The following KLRG1 variants were observed in gnomAD, a reference collection of about 807,000 sequenced individuals.
The protein encoded by KLRG1 is killer cell lectin-like receptor subfamily G member 1.
Under a neutral mutation model 21.8 loss-of-function variants are expected in KLRG1, and 16 were observed. The ratio of observed to expected loss-of-function variants is 0.73; its 90% CI spans 0.50 to 1.11. The LOEUF (loss-of-function observed/expected upper bound fraction) is 1.11. KLRG1 is among the 50% of genes most tolerant of loss of function. The pLI is 0.00. For missense variants in KLRG1, 173 were observed against 218.3 expected, an observed-to-expected ratio of 0.79 and a Z score of 1.31; for synonymous variants, 69 against 75.9, an observed-to-expected ratio of 0.91 and a Z score of 0.47.
At chr12:9,192,135 G>A in the KLRG1 span, 34 of 1,418,402 alleles carry the variant, frequency 2.4e-5, no homozygotes, top group Middle Eastern at 1.8e-4. Flanking sequence ...AACTGTCACC[G>A]AGGGAAGGGT....
chr12:8,987,003 A>G (rs1212387436), upstream of KLRG1, among the ~76,000 whole-genome samples: 1 of 152,182 alleles, frequency 6.6e-6, no homozygotes, highest in Non-Finnish European at 1.5e-5. Context: ...AGCAGATGCC[A>G]CTATGCTTCC....
the KLRG1 span, among the ~76,000 whole-genome samples, chr12:9,122,245 C>T: frequency 6.6e-6 from 1 of 152,142 alleles, no homozygotes; most frequent in Non-Finnish European, 1.5e-5. Flanking sequence ...TACAGGATTA[C>T]TTTTCCTTTG....
Position 9,009,544 on chromosome 12 carries a change from A to C in KLRG1, c.*7A>C. On this transcript the variant is annotated 3_prime_UTR_variant, in exon 5 of 5. Coordinates refer to ENST00000356986, the MANE Select transcript of KLRG1 (RefSeq NM_005810.4). ...TAAGAAGGTCAGACTTTGATAGATGACCACTCTGTCCTGACCCTCAGATCT... is the reference window on the plus strand; with the variant it reads ...TAAGAAGGTCAGACTTTGATAGATGCCCACTCTGTCCTGACCCTCAGATCT... The C allele has an allele frequency of 6.2e-7, 1 of 1,613,670 alleles. No homozygotes were observed. Among genetic ancestry groups the C allele is most frequent in the Non-Finnish European group, 8.5e-7 (1 of 1,179,770 alleles).
At chr12:9,107,678 A>G in the KLRG1 span, 4 of 1,609,950 alleles carry the variant, frequency 2.5e-6, no homozygotes, top group Non-Finnish European at 3.4e-6. Flanking sequence ...GAATCAGAGC[A>G]GACACTGAAC....
At chr12:9,191,494 A>G in the KLRG1 span, among the ~76,000 whole-genome samples, 1 of 152,126 alleles carries the variant, frequency 6.6e-6, no homozygotes, top group Non-Finnish European at 1.5e-5. Flanking sequence ...AAAAATAAAA[A>G]TTAAAAATTA....
the KLRG1 span, chr12:9,197,095 G>A: frequency 3.1e-6 from 5 of 1,613,208 alleles, no homozygotes; most frequent in African/African-American, 5.3e-5. Flanking sequence ...ACAGTTGCAA[G>A]TCCTGGGACA....
At chr12:8,970,938 A>G (rs1251591779) in intron 1 of KLRG1, 2 of 152,208 alleles carry the variant, frequency 1.3e-5, no homozygotes. Context: ...TTAAACCAAC[A>G]TTGTACATTT....
intron 3 of KLRG1, among the ~76,000 whole-genome samples, chr12:9,008,647 C>G (rs1947548081): frequency 6.6e-6 from 1 of 152,172 alleles, no homozygotes; most frequent in Admixed American, 6.5e-5. Flanking sequence ...GTTGTATCCT[C>G]ACTTGGCAAA....
chr12:9,050,458 T>G, the KLRG1 span, among the ~76,000 whole-genome samples: 2 of 152,104 alleles, frequency 1.3e-5, no homozygotes, highest in African/African-American at 4.8e-5. Context: ...TGAGTTGGGG[T>G]GGGGGCTCCC....
At chr12:9,163,761 C>T in the KLRG1 span, 2 of 1,612,998 alleles carry the variant, frequency 1.2e-6, no homozygotes, top group South Asian at 2.2e-5. Context: ...ACTGCATTGC[C>T]TCTGCACTCA....
intron 3 of KLRG1, among the ~76,000 whole-genome samples, chr12:8,998,811 C>T (rs1947219321): frequency 6.6e-6 from 1 of 151,854 alleles, no homozygotes; most frequent in Admixed American, 6.6e-5. Flanking sequence ...TACTAATTGT[C>T]TTCTGGTTTC....
chr12:8,969,534 TAAA>T (rs368207467), intron 1 of KLRG1, among the ~76,000 whole-genome samples: 1 of 146,706 alleles, frequency 6.8e-6, no homozygotes, highest in Non-Finnish European at 1.5e-5. Context: ...TTATTTTAGT[TAAA>T]AAAAAAAGTC....
chr12:9,126,300 T>A, the KLRG1 span, among the ~76,000 whole-genome samples: 1 of 152,244 alleles, frequency 6.6e-6, no homozygotes, highest in South Asian at 2.1e-4. Context: ...GAATGTTATA[T>A]AAAATATATT....
chr12:9,133,888 G>A, the KLRG1 span, among the ~76,000 whole-genome samples: 1 of 152,290 alleles, frequency 6.6e-6, no homozygotes, highest in African/African-American at 2.4e-5. Context: ...AAGCAGCATA[G>A]ATCTAAATCT....
the KLRG1 span, among the ~76,000 whole-genome samples, chr12:9,037,750 T>C: frequency 3.9e-5 from 6 of 152,278 alleles, no homozygotes; most frequent in South Asian, 2.1e-4. Context: ...TTTAGATACA[T>C]TTAGATACAC....
chr12:9,025,477 A>C, the KLRG1 span, among the ~76,000 whole-genome samples: 22 of 152,166 alleles, frequency 1.4e-4, no homozygotes, highest in African/African-American at 5.1e-4. Context: ...TCTCTACTAA[A>C]AATACAAAAA....
the KLRG1 span, chr12:9,093,550 G>T: frequency 2.5e-6 from 4 of 1,609,360 alleles, no homozygotes; most frequent in Admixed American, 6.7e-5. Flanking sequence ...TGCACCAGGC[G>T]TGCATGGCCT....
At chr12:9,088,527 A>T in the KLRG1 span, among the ~76,000 whole-genome samples, 2 of 152,178 alleles carry the variant, frequency 1.3e-5, no homozygotes, top group Admixed American at 6.5e-5. Flanking sequence ...CAACAGATGA[A>T]TAGATAAAGT....
At chr12:9,024,645 C>G in the KLRG1 span, among the ~76,000 whole-genome samples, 1 of 152,078 alleles carries the variant, frequency 6.6e-6, no homozygotes, top group South Asian at 2.1e-4. Context: ...TGTAAACTCT[C>G]CAGCGATGTA....
Sources: gnomAD v4.1 joint callset for allele counts (sites outside exome capture counted in the v4.1 genomes callset) on GRCh38, gnomAD v4.1.1 for gene constraint, MANE v1.5 for transcripts, NCBI Gene and HGNC (gene_info 2026-07-23, HGNC 2026-07-21) for gene names.